Variants in GDF9 observed in about 807,000 individuals in gnomAD.
GDF9 encodes the protein growth differentiation factor 9, also known as growth/differentiation factor 9.
Under a neutral mutation model 33.8 loss-of-function variants are expected in GDF9, and 30 were observed. That is an observed-to-expected ratio of 0.89 (90% CI 0.66 to 1.20). GDF9 has a LOEUF of 1.20. Among genes scored for constraint, GDF9 ranks in the 50% most tolerant of loss-of-function variants. The pLI, the probability that GDF9 is intolerant of heterozygous loss-of-function variation, is 0.00. For missense variants in GDF9, 556 were observed against 543.7 expected, an observed-to-expected ratio of 1.02 and a Z score of -0.22; for synonymous variants, 205 against 200.7, an observed-to-expected ratio of 1.02 and a Z score of -0.18.
chr5:132,861,822 T>C lies in GDF9; in HGVS notation c.1132A>G (p.Asn378Asp). 6.2e-7 allele frequency: 1 copy of C among 1,614,036 alleles called. No individual in the cohort carries two copies. The highest frequency in any genetic ancestry group is 8.5e-7 in the Non-Finnish European group (1 of 1,179,886). The change falls in exon 2 of 2, where the codon AAC (asparagine) becomes GAC (aspartate). Residue 378 changes from asparagine (N) to aspartate (D), a missense_variant. Physicochemically the swap from Asn to Asp is conservative, Grantham distance 23 (BLOSUM62 1). Coordinates refer to ENST00000687138, the MANE Select transcript of GDF9 (RefSeq NM_005260.7). Reference sequence around the variant, plus strand: ...CAGTCCCCTTTACAGTATCGAGGGTTGTACCTGTGCGGAGCCACAATCCAG... The same window carrying C: ...CAGTCCCCTTTACAGTATCGAGGGTCGTACCTGTGCGGAGCCACAATCCAG... ...DNWIVAPHRY[N>D]PRYCKGDCPR...
At position 132,864,187 on chromosome 5, in the gene GDF9, A is replaced by G. The variant is rs568987688; in HGVS notation, c.347T>C (p.Leu116Pro). 1.2e-6 allele frequency: 2 copies of G among 1,614,216 alleles called. No homozygotes were observed. The highest frequency in any genetic ancestry group is 4.5e-5 in the East Asian group (2 of 44,886). The change falls in exon 1 of 2, where the codon CTC becomes CCC. Residue 116 changes from leucine (L) to proline (P), a missense_variant. Physicochemically the swap from Leu to Pro is moderately conservative, Grantham distance 98 (BLOSUM62 -3). Transcript: ENST00000687138. Reference protein sequence around the residue: ...NRSHLYNTVRLFTPCTRHKQA... With the variant: ...NRSHLYNTVRPFTPCTRHKQA... ...CTTGTGCCGGGTACAGGGGGTGAAG[A>G]GCCGAACAGTGTTGTAGAGGTGACT...
Position 132,862,164 on chromosome 5 carries a change from T to G in GDF9, c.790A>C (p.Ile264Leu), listed in dbSNP as rs1478248649. The stretch of plus-strand genomic sequence containing the variant: ...GCACTTGTGTCATTCAAATATAAGA[T>G]CAGTGAGGGGGACACCAGAGTCATG... ...FNMTLVSPSL[I>L]LYLNDTSAQA... The change falls in exon 2 of 2, where the codon ATC (isoleucine) becomes CTC (leucine). Residue 264 changes from isoleucine (I) to leucine (L), a missense_variant. Physicochemically the swap from Ile to Leu is conservative, Grantham distance 5 (BLOSUM62 2). Coordinates refer to ENST00000687138, the MANE Select transcript of GDF9 (RefSeq NM_005260.7). The G allele has an allele frequency of 1.9e-6, 3 of 1,613,290 alleles. No homozygotes were observed. The highest frequency in any genetic ancestry group is 1.7e-5 in the Admixed American group (1 of 60,020).
At chr5:132,862,675 A>C in intron 1 of GDF9, 119 bp from the exon 2 acceptor site, 4 of 767,536 alleles carry the variant, frequency 5.2e-6, no homozygotes, top group South Asian at 1.7e-5. Context: ...CCACTTTCTC[A>C]AGCCTCAAAA....
rs751423333 is a variant in GDF9 at position 132,864,452 on chromosome 5, A to T, written c.82T>A (p.Ser28Thr). 6.2e-7 allele frequency: 1 copy of T among 1,613,874 alleles called. No individual in the cohort carries two copies. The highest frequency in any genetic ancestry group is 1.3e-5 in the African/African-American group (1 of 75,036). Residue 28 changes from serine (S) to threonine (T), a missense_variant, in exon 1 of 2, where the codon TCT becomes ACT. Coordinates refer to ENST00000687138, the MANE Select transcript of GDF9 (RefSeq NM_005260.7). The stretch of plus-strand genomic sequence containing the variant: ...GCAGCAATCTGAGCTTCTCCCCCAG[A>T]AGCCTGAGAACCAAGGCTAATAGGA... ...CFPISLGSQASGGEAQIAASA... is the reference protein window; with the variant it reads ...CFPISLGSQATGGEAQIAASA...
In GDF9 at chr5:132,864,332, C is replaced by T. The variant is rs553662021; in HGVS notation, c.202G>A (p.Val68Ile). 1.9e-6 allele frequency: 3 copies of T among 1,614,226 alleles called. No individual in the cohort carries two copies. Among genetic ancestry groups the T allele is most frequent in the Admixed American group, 3.3e-5 (2 of 60,032 alleles). ...RAGLLPALFK[V>I]LSVGRGGSPR... is the part of the protein sequence containing the mutation. ...GACCCACCTCGCCCAACAGATAGAA[C>T]TTTGAAAAGCGCGGGAAGGAGGCCA... The change falls in exon 1 of 2, where the codon GTT becomes ATT. Residue 68 changes from valine to isoleucine, a missense_variant. Transcript: ENST00000687138.
Position 132,864,310 on chromosome 5 carries a change from C to G in GDF9, c.224G>C (p.Gly75Ala), listed in dbSNP as rs367908775. The G allele has an allele frequency of 2.4e-5, 38 of 1,614,048 alleles. No homozygotes were observed. The highest frequency in any genetic ancestry group is 3.1e-5 in the Non-Finnish European group (36 of 1,180,030). ...GGAGTCTGGCTGCAGCCTAGGTGAC[C>G]CACCTCGCCCAACAGATAGAACTTT... ...LFKVLSVGRG[G>A]SPRLQPDSRA... The change falls in exon 1 of 2, where the codon GGG (glycine) becomes GCG (alanine). Residue 75 changes from glycine to alanine, a missense_variant. Physicochemically the swap from Gly to Ala is moderately conservative, Grantham distance 60 (BLOSUM62 0). Coordinates refer to ENST00000687138, the MANE Select transcript of GDF9 (RefSeq NM_005260.7).
At position 132,864,795 on chromosome 5, in the gene GDF9, T is replaced by C. The variant is rs1035711624; in HGVS notation, c.-262A>G. 5 of 505,626 alleles carry C rather than the reference T, an allele frequency of 9.9e-6. No homozygotes were observed. The highest frequency in any genetic ancestry group is 1.8e-5 in the Non-Finnish European group (5 of 284,980). The allele number at this position is 505,626 out of a possible 1,614,324, so 31.3% of individuals were successfully genotyped here. A position where few individuals can be genotyped will look rare whatever the true frequency, so the allele number is the denominator to read the frequency against. On this transcript the variant is annotated 5_prime_UTR_variant, in exon 1 of 2. Coordinates refer to ENST00000687138, the MANE Select transcript of GDF9 (RefSeq NM_005260.7). ...GCTTTCCTCTCTTTTCCCCTGGCAT[T>C]TACGTAAAACCCGTTACTGTTACAC...
In GDF9 at chr5:132,862,000, G is replaced by C; in HGVS notation, c.954C>G (p.Arg318=). ...CAGAACTGACAGTTTCCTGACCTCT[G>C]CGGTGACGGTGATGGGAAGATCTCC... ...EDGRSSHHRH[R]RGQETVSSEL... is the part of the protein sequence containing the mutation. The change falls in exon 2 of 2, where the codon CGC becomes CGG. Residue 318 remains arginine, a synonymous_variant. Coordinates refer to ENST00000687138, the MANE Select transcript of GDF9 (RefSeq NM_005260.7). 1.2e-6 allele frequency: 2 copies of C among 1,614,038 alleles called. No homozygotes were observed. The highest frequency in any genetic ancestry group is 4.5e-5 in the East Asian group (2 of 44,880).
rs11739194 is a variant in GDF9 at position 132,865,538 on chromosome 5, T to C, written c.-1005A>G. The C allele has an allele frequency of 0.34, 52,147 of 151,920 alleles. 9,580 individuals carry two copies. Among genetic ancestry groups the C allele is most frequent in the African/African-American group, 0.48 (19,819 of 41,394 alleles). 9.4% of individuals were successfully genotyped at this position (151,920 alleles called of 1,614,324 possible). On this transcript the variant is annotated 5_prime_UTR_variant, in exon 1 of 2. Coordinates refer to ENST00000687138, the MANE Select transcript of GDF9 (RefSeq NM_005260.7). ...ATGAAAAGCTGAAATGAGGGGATAT[T>C]CAGCGCCACCCCGAAGGAGACTATG... is the stretch of plus-strand genomic sequence containing the variant.
At chr5:132,862,628 T>C in intron 1 of GDF9, 72 bp from the exon 2 acceptor site, 1 of 1,106,234 alleles carries the variant, frequency 9.0e-7, no homozygotes, top group East Asian at 2.4e-5. Context: ...GTCAAAGAAT[T>C]AGTACTTCAT....
rs373477788 is a variant in GDF9 at position 132,861,833 on chromosome 5, G to C, written c.1121C>G (p.Pro374Arg). The C allele has an allele frequency of 6.2e-7, 1 of 1,614,002 alleles. No individual in the cohort carries two copies. Among genetic ancestry groups the C allele is most frequent in the East Asian group, 2.2e-5 (1 of 44,892 alleles). Reference protein sequence around the residue: ...QLKWDNWIVAPHRYNPRYCKG... With the variant: ...QLKWDNWIVARHRYNPRYCKG... Reference sequence around the variant, plus strand: ...ACAGTATCGAGGGTTGTACCTGTGCGGAGCCACAATCCAGTTGTCCCACTT... The same window carrying C: ...ACAGTATCGAGGGTTGTACCTGTGCCGAGCCACAATCCAGTTGTCCCACTT... The change falls in exon 2 of 2, where the codon CCG (proline) becomes CGG (arginine). Residue 374 changes from proline (P) to arginine (R), a missense_variant. Coordinates refer to ENST00000687138, the MANE Select transcript of GDF9 (RefSeq NM_005260.7).
In GDF9 at chr5:132,866,009, G is replaced by T. The variant is rs1410813317; in HGVS notation, c.-1476C>A. Among the ~76,000 whole-genome samples the T allele has an allele frequency of 6.6e-6, 1 of 152,142 alleles. No individual in the cohort carries two copies. The highest frequency in any genetic ancestry group is 2.4e-5 in the African/African-American group (1 of 41,410). ...TTGACGATTATTTGATTATTTTTGT[G>T]GCTGAAACTGACGAAACGTTTGTAT... is the stretch of plus-strand genomic sequence containing the variant. On this transcript the variant is annotated 5_prime_UTR_variant, in exon 1 of 2. Coordinates refer to ENST00000687138, the MANE Select transcript of GDF9 (RefSeq NM_005260.7).
Position 132,862,435 on chromosome 5 carries a change from T to C in GDF9, c.519A>G (p.Lys173=). ...NNSVSFSSAV[K]CVCNLMIKEP... The stretch of plus-strand genomic sequence containing the variant: ...CCTTTATCATTAGATTGCACACACA[T>C]TTGACAGCAGAGGAAAAAGAAACTG... Residue 173 remains lysine (K), a synonymous_variant, in exon 2 of 2, where the codon AAA becomes AAG. Transcript: ENST00000687138. 1 of 1,614,098 alleles carries C rather than the reference T, an allele frequency of 6.2e-7. No homozygotes were observed. The highest frequency in any genetic ancestry group is 2.2e-5 in the East Asian group (1 of 44,890).
At position 132,861,595 on chromosome 5, in the gene GDF9, AC is replaced by A; in HGVS notation, c.1358del (p.Cys453PhefsTer8). 6.2e-7 allele frequency: 1 copy of A among 1,613,794 alleles called. No individual in the cohort carries two copies. Among genetic ancestry groups the A allele is most frequent in the Non-Finnish European group, 8.5e-7 (1 of 1,179,624 alleles). The part of the protein sequence containing the change: ...YEDMIATKCT[C>X]R ...GTTTTAAGAGGACCATTTGTTAACGACAGGTGCACTTTGTAGCTATCATATC... is the reference window on the plus strand; with the variant it reads ...GTTTTAAGAGGACCATTTGTTAACGAAGGTGCACTTTGTAGCTATCATATC... On this transcript the variant is annotated frameshift_variant, in exon 2 of 2. Coordinates refer to ENST00000687138, the MANE Select transcript of GDF9 (RefSeq NM_005260.7). LOFTEE classifies it high-confidence loss of function.
chr5:132,864,172 G>C lies in GDF9; in HGVS notation c.362C>G (p.Thr121Ser). ...GTCTCCAGGAGCCTGCTTGTGCCGGGTACAGGGGGTGAAGAGCCGAACAGT... is the reference window on the plus strand; with the variant it reads ...GTCTCCAGGAGCCTGCTTGTGCCGGCTACAGGGGGTGAAGAGCCGAACAGT... ...YNTVRLFTPCTRHKQAPGDQV... is the reference protein window; with the variant it reads ...YNTVRLFTPCSRHKQAPGDQV... Residue 121 changes from threonine (T) to serine (S), a missense_variant, in exon 1 of 2, where the codon ACC becomes AGC. Transcript: ENST00000687138. 6.2e-7 allele frequency: 1 copy of C among 1,614,228 alleles called. No individual in the cohort carries two copies. The highest frequency in any genetic ancestry group is 8.5e-7 in the Non-Finnish European group (1 of 1,180,030).
chr5:132,864,643 T>A lies in GDF9; in HGVS notation c.-110A>T. Reference sequence around the variant, plus strand: ...ATAAATTTCAGGTGTGTGGGTGGACTACGGTCACTTCTGTAATCAGGCCTC... The same window carrying A: ...ATAAATTTCAGGTGTGTGGGTGGACAACGGTCACTTCTGTAATCAGGCCTC... On this transcript the variant is annotated 5_prime_UTR_variant, in exon 1 of 2. Transcript: ENST00000687138. The A allele has an allele frequency of 9.3e-7, 1 of 1,076,794 alleles. No individual in the cohort carries two copies. The highest frequency in any genetic ancestry group is 1.4e-6 in the Non-Finnish European group (1 of 714,816). 66.7% of individuals were successfully genotyped at this position (1,076,794 alleles called of 1,614,324 possible). A position where few individuals can be genotyped will look rare whatever the true frequency, so the allele number is the denominator to read the frequency against.
chr5:132,863,447 T>C (rs1178220277), intron 1 of GDF9, among the ~76,000 whole-genome samples: 2 of 151,460 alleles, frequency 1.3e-5, no homozygotes, highest in African/African-American at 4.8e-5. Context: ...ATATACTTTT[T>C]TTTTTTTTTT....
At position 132,864,455 on chromosome 5, in the gene GDF9, C is replaced by G; in HGVS notation, c.79G>C (p.Ala27Pro). 6.2e-7 allele frequency: 1 copy of G among 1,613,824 alleles called. No homozygotes were observed. Among genetic ancestry groups the G allele is most frequent in the Non-Finnish European group, 8.5e-7 (1 of 1,179,958 alleles). ...GCAATCTGAGCTTCTCCCCCAGAAG[C>G]CTGAGAACCAAGGCTAATAGGAAAA... is the stretch of plus-strand genomic sequence containing the variant. The part of the protein sequence containing the change: ...LCFPISLGSQ[A>P]SGGEAQIAAS... The change falls in exon 1 of 2, where the codon GCT becomes CCT. Residue 27 changes from alanine (A) to proline (P), a missense_variant. Coordinates refer to ENST00000687138, the MANE Select transcript of GDF9 (RefSeq NM_005260.7).
intron 1 of GDF9, 46 bp from the exon 2 acceptor site, chr5:132,862,602 C>T: frequency 7.1e-7 from 1 of 1,418,068 alleles, no homozygotes; most frequent in East Asian, 2.3e-5. Context: ...AATCAGTCAA[C>T]ACAACAGGCA....
Sources: gnomAD v4.1 joint callset for allele counts (sites outside exome capture counted in the v4.1 genomes callset) on GRCh38, gnomAD v4.1.1 for gene constraint, MANE v1.5 for transcripts, NCBI Gene and HGNC (gene_info 2026-07-23, HGNC 2026-07-21) for gene names.